Variants in MED27 observed in about 807,000 individuals in gnomAD.
MED27 encodes mediator complex subunit 27.
Under a neutral mutation model 38.2 loss-of-function variants are expected in MED27, and 30 were observed. The observed-to-expected ratio is 0.79, with a 90% CI of 0.59 to 1.07. MED27 has a LOEUF of 1.07. Ranked by LOEUF, MED27 falls within the 50% of genes least tolerant of loss-of-function variation. The pLI, the probability that MED27 is intolerant of heterozygous loss-of-function variation, is 0.00. For missense variants in MED27, 289 were observed against 397.5 expected (o/e 0.73, Z 2.32); for synonymous variants, 122 against 153.5 (o/e 0.79, Z 1.52).
At chr9:131,919,765 T>C (rs1830356006) in intron 4 of MED27, among the ~76,000 whole-genome samples, 1 of 152,010 alleles carries the variant, frequency 6.6e-6, no homozygotes, top group Non-Finnish European at 1.5e-5. Context: ...AAAGGAAACT[T>C]TATACTGTAA....
intron 2 of MED27, among the ~76,000 whole-genome samples, chr9:132,072,362 A>G (rs1331586523): frequency 2.6e-5 from 4 of 152,164 alleles, no homozygotes; most frequent in Non-Finnish European, 4.4e-5. Context: ...AAGGGTTGTG[A>G]GCTCAAGCAT....
At chr9:131,958,553 G>A (rs779883995) in intron 3 of MED27, among the ~76,000 whole-genome samples, 3 of 152,190 alleles carry the variant, frequency 2.0e-5, no homozygotes, top group Non-Finnish European at 2.9e-5. Flanking sequence ...GCCAAATTAA[G>A]TGGTTTTTAA....
At chr9:131,897,343 C>G (rs11243558) in intron 4 of MED27, among the ~76,000 whole-genome samples, 12,539 of 152,252 alleles carry the variant, frequency 0.082, 1,099 homozygotes, top group East Asian at 0.38. Context: ...TATAATCTGC[C>G]AAACTGCTAA....
At chr9:131,863,041 C>A (rs1838677571) in intron 7 of MED27, 22 bp downstream of exon 7, 3 of 1,610,846 alleles carry the variant, frequency 1.9e-6, no homozygotes, top group Non-Finnish European at 2.5e-6. Flanking sequence ...AAACAGGAGA[C>A]CTGACTCTTG....
intron 6 of MED27, among the ~76,000 whole-genome samples, chr9:131,875,305 A>T (rs1344166629): frequency 3.3e-5 from 5 of 152,116 alleles, no homozygotes; most frequent in Admixed American, 3.3e-4. Context: ...AGCAGATAAC[A>T]TGCCTGAAAA....
chr9:131,924,635 T>C (rs1830450635), intron 4 of MED27, among the ~76,000 whole-genome samples: 1 of 152,180 alleles, frequency 6.6e-6, no homozygotes, highest in Non-Finnish European at 1.5e-5. Context: ...TTTCCACATG[T>C]ACTTGGGTCT....
At chr9:132,040,904 C>T (rs1247835567) in intron 2 of MED27, among the ~76,000 whole-genome samples, 3 of 152,124 alleles carry the variant, frequency 2.0e-5, no homozygotes, top group African/African-American at 7.2e-5. Flanking sequence ...GGGAGGGGGC[C>T]ACAGCCTGGT....
intron 2 of MED27, among the ~76,000 whole-genome samples, chr9:132,018,459 G>A (rs1196927440): frequency 2.6e-5 from 4 of 152,104 alleles, no homozygotes; most frequent in Non-Finnish European, 5.9e-5. Flanking sequence ...CCCCTCTCCC[G>A]TTCATTCTCC....
chr9:131,962,298 A>G (rs1831233188), intron 3 of MED27, among the ~76,000 whole-genome samples: 1 of 152,226 alleles, frequency 6.6e-6, no homozygotes, highest in African/African-American at 2.4e-5. Context: ...CTGCAGAGGC[A>G]CAATCACAAC....
At chr9:132,037,173 T>C (rs1355214497) in intron 2 of MED27, among the ~76,000 whole-genome samples, 3 of 152,160 alleles carry the variant, frequency 2.0e-5, no homozygotes, top group Admixed American at 2.0e-4. Flanking sequence ...CCACACACAA[T>C]CACGCTCACA....
chr9:131,917,814 T>C lies in MED27; in HGVS notation c.573+21567A>G, dbSNP rs762658338. On this transcript the variant is annotated intron_variant, in intron 4 of 7. Coordinates refer to ENST00000292035, the MANE Select transcript of MED27 (RefSeq NM_004269.4). This position sits in a 1 kb window ranked among gnomAD's most constrained non-coding sequence, Gnocchi z 4.6. ...GGGTGTAGGATAAGCGTAAGACAAG[T>C]AGTCTGGCCTGAAAACATCCAGCAT... 2.6e-5 allele frequency among the ~76,000 whole-genome samples: 4 copies of C among 152,126 alleles called. No individual in the cohort carries two copies. Among genetic ancestry groups the C allele is most frequent in the Non-Finnish European group, 4.4e-5 (3 of 68,012 alleles).
chr9:132,053,821 A>C (rs927387124), intron 2 of MED27, among the ~76,000 whole-genome samples: 1 of 152,196 alleles, frequency 6.6e-6, no homozygotes, highest in Non-Finnish European at 1.5e-5. Flanking sequence ...GGTGAGTACC[A>C]GGTGATTCCT....
chr9:131,929,777 A>G (rs1284393981), intron 4 of MED27, among the ~76,000 whole-genome samples: 1 of 152,198 alleles, frequency 6.6e-6, no homozygotes, highest in Non-Finnish European at 1.5e-5. Flanking sequence ...CCTGGCTCTC[A>G]GACAGCATCT....
intron 4 of MED27, among the ~76,000 whole-genome samples, chr9:131,904,686 T>G (rs1226538783): frequency 1.3e-5 from 2 of 152,120 alleles, no homozygotes; most frequent in Non-Finnish European, 2.9e-5. Flanking sequence ...AGGTAGCTTA[T>G]TCCACTCACG....
chr9:132,000,342 G>C (rs1832198663), intron 3 of MED27, among the ~76,000 whole-genome samples: 2 of 151,984 alleles, frequency 1.3e-5, no homozygotes, highest in Non-Finnish European at 2.9e-5. Flanking sequence ...ACATTAAAAA[G>C]ATGGACAATG....
Position 132,024,748 on chromosome 9 carries a change from G to A in MED27, c.349-10281C>T, listed in dbSNP as rs145359455. On this transcript the variant is annotated intron_variant, in intron 2 of 7. Transcript: ENST00000292035. The stretch of plus-strand genomic sequence containing the variant: ...ATCGTCTAAGGCCTGCAGAAACAAG[G>A]TAAGTGCTCTAAATGAAAGGCAATC... 2.6e-3 allele frequency among the ~76,000 whole-genome samples: 392 copies of A among 152,310 alleles called. 2 individuals carry two copies. The highest frequency in any genetic ancestry group is 9.0e-3 in the African/African-American group (375 of 41,562).
chr9:131,977,226 T>C (rs928474390), intron 3 of MED27, among the ~76,000 whole-genome samples: 1 of 152,126 alleles, frequency 6.6e-6, no homozygotes, highest in African/African-American at 2.4e-5. Flanking sequence ...ATGGTGACCA[T>C]CATAGAGCAG....
intron 5 of MED27, among the ~76,000 whole-genome samples, chr9:131,892,770 A>C (rs1839249943): frequency 1.3e-5 from 2 of 152,198 alleles, no homozygotes; most frequent in Non-Finnish European, 2.9e-5. Context: ...TACAAATCAG[A>C]CGCACAGACT....
At chr9:131,942,473 T>A (rs1407239560) in intron 3 of MED27, among the ~76,000 whole-genome samples, 3 of 152,222 alleles carry the variant, frequency 2.0e-5, no homozygotes, top group African/African-American at 7.2e-5. Flanking sequence ...GAAGCAAACA[T>A]CCACTGTCCT....
Sources: gnomAD v4.1 joint callset for allele counts (sites outside exome capture counted in the v4.1 genomes callset) on GRCh38, gnomAD v4.1.1 for gene constraint, Gnocchi (gnomAD v3.1) non-coding constraint, MANE v1.5 for transcripts, NCBI Gene and HGNC (gene_info 2026-07-23, HGNC 2026-07-21) for gene names.